The following LAMA1 variants were observed in gnomAD, a reference collection of about 807,000 sequenced individuals.
The protein encoded by LAMA1 is laminin subunit alpha-1.
Under a neutral mutation model 348.7 loss-of-function variants are expected in LAMA1, and 219 were observed. The observed-to-expected ratio is 0.63, with a 90% CI of 0.56 to 0.70. The LOEUF (loss-of-function observed/expected upper bound fraction) is 0.70, where lower values mean the gene tolerates loss of function less well. Ranked by LOEUF, LAMA1 falls within the 30% of genes least tolerant of loss-of-function variation. The pLI is 0.00. For synonymous variants in LAMA1, 1,487 were observed against 1,491.0 expected (o/e 1.00, Z 0.06); for missense variants, 3,744 against 3,888.0 (o/e 0.96, Z 0.99).
chr18:7,013,565 T>G (rs918577184), intron 23 of LAMA1, among the ~76,000 whole-genome samples: 3 of 152,158 alleles, frequency 2.0e-5, no homozygotes, highest in African/African-American at 7.2e-5. Flanking sequence ...CTCTGGGATA[T>G]ATGATTAAAA....
In LAMA1 at chr18:7,016,517, T is replaced by C. The variant is rs760094353; in HGVS notation, c.2963A>G (p.Tyr988Cys). 5 of 1,614,072 alleles carry C rather than the reference T, an allele frequency of 3.1e-6. No homozygotes were observed. The highest frequency in any genetic ancestry group is 2.2e-5 in the East Asian group (1 of 44,890). The change falls in exon 21 of 63, where the codon TAC becomes TGC. Residue 988 changes from tyrosine (Y) to cysteine (C), a missense_variant. Coordinates refer to ENST00000389658, the MANE Select transcript of LAMA1 (RefSeq NM_005559.4). The stretch of plus-strand genomic sequence containing the variant: ...TGTACAGCTACCATCCTGGTAGGCG[T>C]AGAAGCCATGGGCACACCTGTCACA... ...KRCDRCAHGF[Y>C]AYQDGSCTPC...
At chr18:6,961,555 C>T (rs2057607424) in intron 53 of LAMA1, 31 bp downstream of exon 53, 1 of 1,612,056 alleles carries the variant, frequency 6.2e-7, no homozygotes. Flanking sequence ...ATTTCCTGAG[C>T]TTGGGGCTCA....
At chr18:6,978,916 A>G (rs1308471877) in intron 42 of LAMA1, among the ~76,000 whole-genome samples, 2 of 152,236 alleles carry the variant, frequency 1.3e-5, no homozygotes, top group African/African-American at 4.8e-5. Flanking sequence ...GCTAGAAGTA[A>G]CAGCAGAATA....
At chr18:6,982,361 G>T in intron 41 of LAMA1, 136 bp downstream of exon 41, 1 of 804,418 alleles carries the variant, frequency 1.2e-6, no homozygotes, top group Non-Finnish European at 2.2e-6. Context: ...TTATATGATA[G>T]GAAATTGGAA....
chr18:6,973,310 C>A (rs2057666928), intron 46 of LAMA1, 103 bp from the exon 47 acceptor site: 1 of 1,044,046 alleles, frequency 9.6e-7, no homozygotes, highest in Non-Finnish European at 1.4e-6. Flanking sequence ...CCCCAAGGGC[C>A]CTGCAACAGC....
rs1288485900 is a variant in LAMA1, at chr18:6,965,430, T to C, written c.7053A>G (p.Lys2351=). 6.2e-7 allele frequency: 1 copy of C among 1,614,156 alleles called. No individual in the cohort carries two copies. Among genetic ancestry groups the C allele is most frequent in the Non-Finnish European group, 8.5e-7 (1 of 1,180,006 alleles). Residue 2351 remains lysine, a splice_region_variant and synonymous_variant, in exon 50 of 63, where the codon AAA becomes AAG. Coordinates refer to ENST00000389658, the MANE Select transcript of LAMA1 (RefSeq NM_005559.4). The part of the protein sequence containing the change: ...LLLYLGSYGT[K]DFLSIELFRG... Reference sequence around the variant, plus strand: ...GAAACAGCTCGATGGATAAAAAGTCTTTCTGTAAAAAAGAGAACACAGTTC... The same window carrying C: ...GAAACAGCTCGATGGATAAAAAGTCCTTCTGTAAAAAAGAGAACACAGTTC...
In LAMA1 at chr18:6,953,182, C is replaced by T. The variant is rs1023012969; in HGVS notation, c.8207+2171G>A. On this transcript the variant is annotated intron_variant, in intron 57 of 62. Coordinates refer to ENST00000389658, the MANE Select transcript of LAMA1 (RefSeq NM_005559.4). ...TGTCTGCCTGTGTCCAGCGGATCCA[C>T]GCCATGGGAGCCATGTCTGCCCGTG... is the stretch of plus-strand genomic sequence containing the variant. 1.8e-4 allele frequency among the ~76,000 whole-genome samples: 28 copies of T among 151,710 alleles called. 1 individual carries two copies. Among genetic ancestry groups the T allele is most frequent in the African/African-American group, 6.0e-4 (25 of 41,428 alleles).
rs567804118 is a variant in LAMA1, at chr18:7,015,939, T to C, written c.2990-81A>G. ...AGAGCTGATGCTGTTATTTCCCTTT[T>C]ATTAAGAGTCCAAGCCACTCTTCTC... On this transcript the variant is annotated intron_variant, in intron 21 of 62. Transcript: ENST00000389658. The C allele has an allele frequency of 1.2e-5, 18 of 1,544,350 alleles. No homozygotes were observed. The Middle Eastern group carries it at 5.0e-4, about 43-fold the overall frequency.
chr18:7,049,137 C>T lies in LAMA1; in HGVS notation c.709G>A (p.Asp237Asn). ...RLQRIRTLNADLMTLSHREPK... is the reference protein window; with the variant it reads ...RLQRIRTLNANLMTLSHREPK... ...TCCCGGTGGCTAAGGGTCATGAGAT[C>T]TGCATTGAGCGTTCTAATGCGTTGC... is the stretch of plus-strand genomic sequence containing the variant. The change falls in exon 5 of 63, where the codon GAT becomes AAT. Residue 237 changes from aspartate to asparagine, a missense_variant. Asp to Asn is a conservative substitution (Grantham distance 23). Coordinates refer to ENST00000389658, the MANE Select transcript of LAMA1 (RefSeq NM_005559.4). 6 of 1,614,162 alleles carry T rather than the reference C, an allele frequency of 3.7e-6. No homozygotes were observed. Among genetic ancestry groups the T allele is most frequent in the Non-Finnish European group, 4.2e-6 (5 of 1,180,014 alleles).
intron 1 of LAMA1, among the ~76,000 whole-genome samples, chr18:7,083,157 T>G (rs2058199925): frequency 6.6e-6 from 1 of 151,914 alleles, no homozygotes; most frequent in African/African-American, 2.4e-5. Flanking sequence ...CTAGACAGGT[T>G]TCTTACCTGG....
At chr18:7,037,881 CACCT>C in intron 11 of LAMA1, 130 bp from the exon 12 acceptor site, 1 of 873,724 alleles carries the variant, frequency 1.1e-6, no homozygotes, top group South Asian at 1.4e-5. Flanking sequence ...ATTAACATAA[CACCT>C]GTGGCTGCTG....
intron 27 of LAMA1, 39 bp downstream of exon 27, chr18:7,009,200 T>A (rs765439397): frequency 6.2e-7 from 1 of 1,613,218 alleles, no homozygotes; most frequent in Admixed American, 1.7e-5. Flanking sequence ...TGCTTTCAAA[T>A]ATGAAAATAA....
At chr18:7,117,544 T>C in intron 1 of LAMA1, 116 bp downstream of exon 1, 1 of 1,086,380 alleles carries the variant, frequency 9.2e-7, no homozygotes, top group Non-Finnish European at 1.3e-6. Flanking sequence ...CACTCCGAGG[T>C]GGATCAGGAT....
intron 19 of LAMA1, among the ~76,000 whole-genome samples, chr18:7,019,515 A>G (rs1167455296): frequency 6.6e-6 from 1 of 152,112 alleles, no homozygotes; most frequent in Non-Finnish European, 1.5e-5. Context: ...TGTCACATTC[A>G]GTATTTCTTT....
chr18:6,977,576 A>G (rs2057688042), intron 44 of LAMA1, 151 bp downstream of exon 44: 1 of 778,632 alleles, frequency 1.3e-6, no homozygotes. Context: ...ATATACCAAG[A>G]CAGGGCTATG....
intron 60 of LAMA1, among the ~76,000 whole-genome samples, chr18:6,947,864 G>A (rs2057529265): frequency 6.6e-6 from 1 of 152,156 alleles, no homozygotes; most frequent in Non-Finnish European, 1.5e-5. Flanking sequence ...GAAGGGAAAA[G>A]GGGAGAAGAT....
At chr18:6,953,612 C>T (rs2057560324) in intron 57 of LAMA1, 3 of 152,296 alleles carry the variant, frequency 2.0e-5, no homozygotes, top group African/African-American at 4.8e-5. Flanking sequence ...CTACCATTTA[C>T]CAGCTGTGTG....
rs1046476248 is a variant in LAMA1 at position 7,050,823 on chromosome 18, T to C, written c.459A>G (p.Ala153=). The C allele has an allele frequency of 1.2e-5, 20 of 1,614,220 alleles. No individual in the cohort carries two copies. The highest frequency in any genetic ancestry group is 1.5e-5 in the Non-Finnish European group (18 of 1,180,038). ...GTTFSPWQYY[A]VSDSECLSRY... The stretch of plus-strand genomic sequence containing the variant: ...GAGACAAACACTCTGAGTCGCTGAC[T>C]GCATAATACTGCCAGGGGCTGAACG... The change falls in exon 4 of 63, where the codon GCA becomes GCG. Residue 153 remains alanine, a synonymous_variant. Coordinates refer to ENST00000389658, the MANE Select transcript of LAMA1 (RefSeq NM_005559.4).
Position 6,947,163 on chromosome 18 carries a change from C to G in LAMA1, c.8844G>C (p.Lys2948Asn). The G allele has an allele frequency of 1.2e-6, 2 of 1,614,216 alleles. No individual in the cohort carries two copies. The highest frequency in any genetic ancestry group is 1.7e-6 in the Non-Finnish European group (2 of 1,180,046). The stretch of plus-strand genomic sequence containing the variant: ...ACCCTCATGGAGAGGAAGCACCCAC[C>G]TTGCCGTCCACAAGCTCTAGTCCAA... ...DAIGLELVDG[K>N]VLFHVNNGAG... The change falls in exon 61 of 63, where the codon AAG (lysine) becomes AAC (asparagine). Residue 2948 changes from lysine to asparagine, a missense_variant and splice_region_variant. This residue lies in a region of LAMA1 where 232 missense variants were observed against 264.4 expected (regional missense o/e 0.88). Coordinates refer to ENST00000389658, the MANE Select transcript of LAMA1 (RefSeq NM_005559.4).
Sources: gnomAD v4.1 joint callset for allele counts (sites outside exome capture counted in the v4.1 genomes callset) on GRCh38, gnomAD v4.1.1 for gene constraint, gnomAD v4.1.1 regional missense constraint, MANE v1.5 for transcripts, NCBI Gene and HGNC (gene_info 2026-07-23, HGNC 2026-07-21) for gene names.